The following TWSG1 variants were observed in gnomAD, a reference collection of about 807,000 sequenced individuals.
TWSG1 encodes twisted gastrulation protein homolog 1.
Under a neutral mutation model 23.0 loss-of-function variants are expected in TWSG1, and 15 were observed. The observed-to-expected ratio is 0.65, with a 90% confidence interval of 0.44 to 1.00. The LOEUF (loss-of-function observed/expected upper bound fraction) is 1.00, where lower values mean the gene tolerates loss of function less well. Among genes scored for constraint, TWSG1 ranks in the 50% least tolerant of loss-of-function variants. TWSG1 has a pLI of 0.00. For missense variants in TWSG1, 242 were observed against 278.7 expected (o/e 0.87, Z 0.94); for synonymous variants, 86 against 92.8 (o/e 0.93, Z 0.42).
chr18:9,395,859 G>A (rs776995477), intron 3 of TWSG1, among the ~76,000 whole-genome samples: 7 of 152,122 alleles, frequency 4.6e-5, no homozygotes, highest in East Asian at 1.9e-4. Flanking sequence ...GAGCCACTGC[G>A]CTCAGCTTAT....
At chr18:9,367,444 C>T (rs924302687) in intron 3 of TWSG1, among the ~76,000 whole-genome samples, 5 of 152,146 alleles carry the variant, frequency 3.3e-5, no homozygotes, top group African/African-American at 1.2e-4. Context: ...GCGGTATTTG[C>T]CTTTCTGTGA....
intron 3 of TWSG1, among the ~76,000 whole-genome samples, chr18:9,362,849 T>A (rs2040558626): frequency 1.3e-5 from 2 of 152,228 alleles, no homozygotes; most frequent in Non-Finnish European, 2.9e-5. Context: ...GGGTTGGATG[T>A]CCAGTTTTAA....
chr18:9,336,679 G>A (rs2040424958), intron 1 of TWSG1, among the ~76,000 whole-genome samples: 1 of 152,088 alleles, frequency 6.6e-6, no homozygotes, highest in Admixed American at 6.5e-5. Flanking sequence ...TAAAATTAAA[G>A]TTGAATAGTA....
At chr18:9,363,536 C>A (rs1469314740) in intron 3 of TWSG1, among the ~76,000 whole-genome samples, 1 of 152,144 alleles carries the variant, frequency 6.6e-6, no homozygotes, top group African/African-American at 2.4e-5. Context: ...TCCGTGAAGT[C>A]CTTTAGTTAT....
At chr18:9,344,532 T>TGTGTGTGTGTGTGTG in intron 2 of TWSG1, among the ~76,000 whole-genome samples, 1 of 16,724 alleles carries the variant, frequency 6.0e-5, no homozygotes, top group South Asian at 9.7e-4. Context: ...TATGTATGTA[T>TGTGTGTGTGTGTGTG]TTTTTTTTTT....
chr18:9,350,054 C>T (rs900594591), intron 2 of TWSG1, among the ~76,000 whole-genome samples: 2 of 152,014 alleles, frequency 1.3e-5, no homozygotes, highest in Non-Finnish European at 2.9e-5. Context: ...GCAGGAGAAT[C>T]GCTTGAACCC....
chr18:9,391,635 A>G (rs571166338), intron 3 of TWSG1, among the ~76,000 whole-genome samples: 1 of 152,372 alleles, frequency 6.6e-6, no homozygotes, highest in East Asian at 1.9e-4. Flanking sequence ...ACAGATCACC[A>G]TAACAGTTAT....
chr18:9,350,031 T>C (rs1057417623), intron 2 of TWSG1, among the ~76,000 whole-genome samples: 19 of 152,050 alleles, frequency 1.2e-4, no homozygotes, highest in African/African-American at 3.6e-4. Flanking sequence ...TCCCAGCTAC[T>C]CAGGAGGCTG....
chr18:9,394,140 T>C (rs958501752), intron 3 of TWSG1, among the ~76,000 whole-genome samples: 4 of 152,172 alleles, frequency 2.6e-5, no homozygotes, highest in Non-Finnish European at 4.4e-5. Flanking sequence ...TGCCAAAATG[T>C]GGAGTCAACC....
intron 2 of TWSG1, among the ~76,000 whole-genome samples, chr18:9,359,326 C>A (rs2040541386): frequency 6.6e-6 from 1 of 152,062 alleles, no homozygotes; most frequent in African/African-American, 2.4e-5. Flanking sequence ...TTCTTGAGGT[C>A]TAAACTCAGA....
chr18:9,396,015 G>A (rs1461610777), intron 3 of TWSG1, among the ~76,000 whole-genome samples: 1 of 151,952 alleles, frequency 6.6e-6, no homozygotes, highest in Non-Finnish European at 1.5e-5. Flanking sequence ...GTACTTTCCT[G>A]ACCCAGCCTT....
In TWSG1 at chr18:9,360,046, T is replaced by C. The variant is rs772903690; in HGVS notation, c.198T>C (p.Leu66=). 5.0e-6 allele frequency: 8 copies of C among 1,613,274 alleles called. No individual in the cohort carries two copies. The highest frequency in any genetic ancestry group is 6.8e-6 in the Non-Finnish European group (8 of 1,179,548). The change falls in exon 3 of 5, where the codon CTT becomes CTC. Residue 66 remains leucine, a synonymous_variant. Transcript: ENST00000262120. The part of the protein sequence containing the change: ...CKECMLCLGA[L]WDECCDCVGM... ...AGTGCATGCTGTGTCTTGGGGCCCT[T>C]TGGGACGAGTGCTGTGACTGTGTTG... is the stretch of plus-strand genomic sequence containing the variant.
At chr18:9,389,854 T>C (rs1369489979) in intron 3 of TWSG1, among the ~76,000 whole-genome samples, 1 of 152,238 alleles carries the variant, frequency 6.6e-6, no homozygotes, top group Non-Finnish European at 1.5e-5. Context: ...GCTGATTTGG[T>C]TCCAGATCAC....
chr18:9,374,474 C>G (rs1013489973), intron 3 of TWSG1, among the ~76,000 whole-genome samples: 2 of 152,134 alleles, frequency 1.3e-5, no homozygotes, highest in Non-Finnish European at 1.5e-5. Flanking sequence ...CCAAAACTCA[C>G]ACAAGAAGAA....
chr18:9,379,215 A>G (rs1045680308), intron 3 of TWSG1, among the ~76,000 whole-genome samples: 2 of 152,182 alleles, frequency 1.3e-5, no homozygotes, highest in Non-Finnish European at 2.9e-5. Context: ...TTAAAGACAC[A>G]TATGTTCATT....
At chr18:9,380,548 G>C (rs1442440359) in intron 3 of TWSG1, among the ~76,000 whole-genome samples, 2 of 152,176 alleles carry the variant, frequency 1.3e-5, no homozygotes, top group Non-Finnish European at 1.5e-5. Context: ...AATGATGTTG[G>C]CTTTAATAAG....
intron 2 of TWSG1, among the ~76,000 whole-genome samples, chr18:9,340,367 C>CAAAAAAAAA (rs775837207): frequency 8.9e-5 from 6 of 67,098 alleles, no homozygotes; most frequent in Non-Finnish European, 1.4e-4. Flanking sequence ...GACTCCATTT[C>CAAAAAAAAA]AAAAAAAAAA....
chr18:9,353,169 G>A (rs934044370), intron 2 of TWSG1, among the ~76,000 whole-genome samples: 1 of 152,022 alleles, frequency 6.6e-6, no homozygotes. Flanking sequence ...TACCATGTAG[G>A]TTTGTATAAG....
chr18:9,352,565 C>T (rs1293711967), intron 2 of TWSG1, among the ~76,000 whole-genome samples: 1 of 152,162 alleles, frequency 6.6e-6, no homozygotes, highest in African/African-American at 2.4e-5. Flanking sequence ...AACCGAGACT[C>T]AGGGTTGCAA....
Sources: allele counts gnomAD v4.1 joint callset (sites outside exome capture counted in the v4.1 genomes callset), GRCh38; gene constraint gnomAD v4.1.1; transcripts MANE v1.5; gene names NCBI Gene and HGNC (gene_info 2026-07-23, HGNC 2026-07-21).